EHD2: variants seen among roughly 807,000 people sequenced by gnomAD.
EHD2 encodes EH domain-containing protein 2.
Under a neutral mutation model 41.0 loss-of-function variants are expected in EHD2, and 27 were observed. The ratio of observed to expected loss-of-function variants is 0.66; its 90% CI spans 0.49 to 0.91. The LOEUF (loss-of-function observed/expected upper bound fraction) is 0.91. Ranked by LOEUF, EHD2 falls within the 40% of genes least tolerant of loss-of-function variation. The probability of loss-of-function intolerance (pLI) is 0.00; values close to 1 mark genes in which losing one functional copy is unlikely to be tolerated. For synonymous variants in EHD2, 342 were observed against 341.0 expected (o/e 1.00, Z -0.03); for missense variants, 673 against 773.9 (o/e 0.87, Z 1.55).
chr19:47,723,669 A>AG (rs1973720648), intron 3 of EHD2, among the ~76,000 whole-genome samples: 2 of 147,892 alleles, frequency 1.4e-5, no homozygotes, highest in African/African-American at 5.1e-5. Flanking sequence ...AAAAAAAAAA[A>AG]AAAAGCTCAA....
chr19:47,720,224 C>T (rs1469362653), intron 3 of EHD2, among the ~76,000 whole-genome samples: 2 of 151,934 alleles, frequency 1.3e-5, no homozygotes, highest in East Asian at 1.9e-4. Context: ...AGTGGAGTGG[C>T]GCGATCTCGG....
At chr19:47,722,057 C>CACACAG (rs71180871) in intron 3 of EHD2, among the ~76,000 whole-genome samples, 3,461 of 144,602 alleles carry the variant, frequency 0.024, 113 homozygotes, top group Middle Eastern at 0.044. Flanking sequence ...CACACACACA[C>CACACAG]TGGGAATAAT....
chr19:47,721,026 C>T (rs958222132), intron 3 of EHD2, among the ~76,000 whole-genome samples: 5 of 151,834 alleles, frequency 3.3e-5, no homozygotes, highest in African/African-American at 1.2e-4. Context: ...GTGTCTATGC[C>T]GTGTGTGCAT....
At chr19:47,720,842 T>C (rs1339736016) in intron 3 of EHD2, among the ~76,000 whole-genome samples, 1 of 152,084 alleles carries the variant, frequency 6.6e-6, no homozygotes, top group Non-Finnish European at 1.5e-5. Flanking sequence ...TGGTGTTGTG[T>C]ATGTGAGAAT....
chr19:47,730,382 C>T (rs894494966), intron 4 of EHD2, among the ~76,000 whole-genome samples: 1 of 152,126 alleles, frequency 6.6e-6, no homozygotes, highest in Admixed American at 6.6e-5. Context: ...ACTCCCTCCC[C>T]CTCTTCCTGC....
chr19:47,723,928 T>C (rs1683897355), intron 3 of EHD2, among the ~76,000 whole-genome samples: 1 of 152,080 alleles, frequency 6.6e-6, no homozygotes, highest in Non-Finnish European at 1.5e-5. Flanking sequence ...CAAGCGATCC[T>C]CCTGCCTCTA....
At chr19:47,723,595 G>C (rs1036086091) in intron 3 of EHD2, among the ~76,000 whole-genome samples, 1 of 145,162 alleles carries the variant, frequency 6.9e-6, no homozygotes, top group Non-Finnish European at 1.5e-5. Flanking sequence ...GGCAGAGGTT[G>C]CAGTGACCTG....
At chr19:47,721,580 T>C (rs1030812666) in intron 3 of EHD2, among the ~76,000 whole-genome samples, 2 of 152,050 alleles carry the variant, frequency 1.3e-5, no homozygotes, top group Middle Eastern at 6.8e-3. Context: ...TCCCAAAGTG[T>C]TGGGATTACA....
At chr19:47,727,449 G>A (rs1438286487) in intron 4 of EHD2, among the ~76,000 whole-genome samples, 1 of 152,118 alleles carries the variant, frequency 6.6e-6, no homozygotes, top group East Asian at 1.9e-4. Flanking sequence ...GCTGGGGATG[G>A]AGGGAACAGA....
At chr19:47,717,914 A>C (rs923370068) in intron 2 of EHD2, among the ~76,000 whole-genome samples, 45 of 150,360 alleles carry the variant, frequency 3.0e-4, no homozygotes, top group South Asian at 1.9e-3. Context: ...TCTAAAAAAA[A>C]AAAAAAAAAA....
rs3833256 is a variant in EHD2, at chr19:47,741,435, C to CG, written c.*5dup. The CG allele has an allele frequency of 0.72, 1,117,702 of 1,562,386 alleles. 401,946 individuals carry two copies. Among genetic ancestry groups the CG allele is most frequent in the African/African-American group, 0.84 (62,085 of 73,908 alleles). On this transcript the variant is annotated 3_prime_UTR_variant, in exon 6 of 6. Coordinates refer to ENST00000263277, the MANE Select transcript of EHD2 (RefSeq NM_014601.4). The surrounding 1 kb of genome is among the most constrained non-coding windows in gnomAD (Gnocchi z 4.5). ...GCCACAAGGGCTCCGCCGAGTGAGCCGGCCCCCCTCCCATGGCCCTGCTGT... is the reference window on the plus strand; with the variant it reads ...GCCACAAGGGCTCCGCCGAGTGAGCCGGGCCCCCCTCCCATGGCCCTGCTGT...
intron 1 of EHD2, among the ~76,000 whole-genome samples, 151 bp from the exon 2 acceptor site, chr19:47,716,407 T>C (rs945060241): frequency 2.6e-5 from 4 of 151,990 alleles, no homozygotes; most frequent in African/African-American, 7.2e-5. Flanking sequence ...CCACCTGCCA[T>C]CCATGCTCTG....
intron 5 of EHD2, 144 bp from the exon 6 acceptor site, chr19:47,740,737 G>C: frequency 1.1e-6 from 1 of 902,920 alleles, no homozygotes; most frequent in East Asian, 2.7e-5. Flanking sequence ...ACAAGAGCAA[G>C]ACTCTGTCTC....
intron 4 of EHD2, among the ~76,000 whole-genome samples, chr19:47,734,133 C>T: frequency 6.6e-6 from 1 of 152,058 alleles, no homozygotes; most frequent in Admixed American, 6.6e-5. Context: ...GAGAGGATGA[C>T]GCTCGAATGG....
intron 4 of EHD2, chr19:47,731,279 A>AAAAAAAAAAAAAAATTATATATATAT: frequency 1.6e-5 from 1 of 60,928 alleles, no homozygotes; most frequent in African/African-American, 4.9e-5. Context: ...AAAAAAAAAA[A>AAAAAAAAAAAAAAATTATATATATAT]ATATATATAT....
chr19:47,741,392 T>G lies in EHD2; in HGVS notation c.1592T>G (p.Val531Gly), dbSNP rs1452558579. Reference protein sequence around the residue: ...GLPANLPRRLVPPSKRRHKGS... With the variant: ...GLPANLPRRLGPPSKRRHKGS... The stretch of plus-strand genomic sequence containing the variant: ...CCCGCCAACCTGCCCCGTCGCCTGG[T>G]GCCACCCTCCAAGCGACGCCACAAG... The change falls in exon 6 of 6, where the codon GTG (valine) becomes GGG (glycine). Residue 531 changes from valine (V) to glycine (G), a missense_variant. By Grantham distance (109) the Val-to-Gly change is moderately radical (BLOSUM62 -3). Coordinates refer to ENST00000263277, the MANE Select transcript of EHD2 (RefSeq NM_014601.4). The surrounding 1 kb of genome is among the most constrained non-coding windows in gnomAD (Gnocchi z 4.5). 6.3e-7 allele frequency: 1 copy of G among 1,599,278 alleles called. No homozygotes were observed. The highest frequency in any genetic ancestry group is 8.5e-7 in the Non-Finnish European group (1 of 1,177,718).
intron 5 of EHD2, among the ~76,000 whole-genome samples, chr19:47,738,224 C>T (rs1210992200): frequency 6.6e-6 from 1 of 152,038 alleles, no homozygotes; most frequent in Non-Finnish European, 1.5e-5. Flanking sequence ...GTACGTTCTA[C>T]AATGATGGAA....
At chr19:47,735,005 T>C (rs1415969892) in intron 4 of EHD2, among the ~76,000 whole-genome samples, 1 of 152,002 alleles carries the variant, frequency 6.6e-6, no homozygotes, top group Non-Finnish European at 1.5e-5. Flanking sequence ...TGAGACAAGG[T>C]TGCGCCACTG....
intron 3 of EHD2, among the ~76,000 whole-genome samples, chr19:47,723,128 C>G (rs1414466853): frequency 6.6e-6 from 1 of 152,224 alleles, no homozygotes; most frequent in African/African-American, 2.4e-5. Flanking sequence ...GCTCCCACAG[C>G]TCCCTGGATC....
Sources: gnomAD v4.1 joint callset for allele counts (sites outside exome capture counted in the v4.1 genomes callset) on GRCh38, gnomAD v4.1.1 for gene constraint, Gnocchi (gnomAD v3.1) non-coding constraint, MANE v1.5 for transcripts, NCBI Gene and HGNC (gene_info 2026-07-23, HGNC 2026-07-21) for gene names.